Variants in SUN3 observed in about 807,000 individuals in gnomAD.
The protein encoded by SUN3 is Sad1 and UNC84 domain containing 3, also known as SUN domain-containing protein 3.
A neutral mutation model predicts 48.2 loss-of-function variants in SUN3; 36 were observed. That is an observed-to-expected ratio of 0.75 (90% CI 0.57 to 0.99). The LOEUF (loss-of-function observed/expected upper bound fraction) is 0.99, where lower values mean the gene tolerates loss of function less well. Among genes scored for constraint, SUN3 ranks in the 50% least tolerant of loss-of-function variants. The probability of loss-of-function intolerance (pLI) is 0.00; values close to 1 mark genes in which losing one functional copy is unlikely to be tolerated. For missense variants in SUN3, 419 were observed against 433.1 expected (o/e 0.97, Z 0.29); for synonymous variants, 148 against 147.9 (o/e 1.00, Z 0.00).
intron 3 of SUN3, 130 bp from the exon 4 acceptor site, chr7:48,009,205 G>A: frequency 1.2e-6 from 1 of 816,726 alleles, no homozygotes; most frequent in Non-Finnish European, 1.9e-6. Flanking sequence ...CTGGAACTCA[G>A]GAGCGTCCTC....
intron 5 of SUN3, among the ~76,000 whole-genome samples, chr7:48,006,308 C>T (rs1046002183): frequency 6.6e-6 from 1 of 152,042 alleles, no homozygotes; most frequent in African/African-American, 2.4e-5. Flanking sequence ...CACACAGCAC[C>T]GTGGACCTAG....
rs138276790 is a variant in SUN3 at position 48,000,657 on chromosome 7, C to G, written c.578-4511G>C. Among the ~76,000 whole-genome samples, 234 of 152,306 alleles carry G rather than the reference C, an allele frequency of 1.5e-3. 2 individuals are homozygous for G. In the East Asian group the frequency reaches 0.042, roughly 27 times the overall value. On this transcript the variant is annotated intron_variant, in intron 6 of 9. Transcript: ENST00000297325. ...ACAATTCTGCATTGCTAGATCCTTT[C>G]CTTCAGCACTTTAAACATGTCGTTT...
At chr7:48,025,968 A>G in intron 1 of SUN3, 30 bp from the exon 2 acceptor site, 1 of 1,481,286 alleles carries the variant, frequency 6.8e-7, no homozygotes, top group African/African-American at 1.4e-5. Flanking sequence ...GATTAGAAAA[A>G]GAATTTAACA....
At chr7:48,024,871 A>G (rs1270802503) in intron 2 of SUN3, among the ~76,000 whole-genome samples, 1 of 152,188 alleles carries the variant, frequency 6.6e-6, no homozygotes, top group East Asian at 1.9e-4. Flanking sequence ...ATCTGTCCTC[A>G]TGACCCAAAT....
Position 47,994,421 on chromosome 7 carries a change from T to C in SUN3, c.755A>G (p.Lys252Arg), listed in dbSNP as rs115353261. The stretch of plus-strand genomic sequence containing the variant: ...AGTTGGTATGATCTTTGTAGCAAGC[T>C]TGATTAGGGTATGACCCTGGGAACC... ...FPGSQGHTLI[K>R]LATKIIPTAV... The change falls in exon 8 of 10, where the codon AAG (lysine) becomes AGG (arginine). Residue 252 changes from lysine (K) to arginine (R), a missense_variant. Coordinates refer to ENST00000297325, the MANE Select transcript of SUN3 (RefSeq NM_001030019.2). 1.9e-6 allele frequency: 3 copies of C among 1,613,114 alleles called. No homozygotes were observed. The South Asian group carries it at 3.3e-5, about 18-fold the overall frequency.
chr7:48,023,158 A>T (rs1790046774), intron 2 of SUN3, among the ~76,000 whole-genome samples: 1 of 152,102 alleles, frequency 6.6e-6, no homozygotes, highest in Non-Finnish European at 1.5e-5. Context: ...TTTCTTTCAT[A>T]ATTTAAAAGA....
At chr7:48,008,557 C>A (rs891493296) in intron 4 of SUN3, among the ~76,000 whole-genome samples, 1 of 152,070 alleles carries the variant, frequency 6.6e-6, no homozygotes, top group Non-Finnish European at 1.5e-5. Flanking sequence ...GGAAAGCACA[C>A]CTCAGTGTGT....
intron 3 of SUN3, among the ~76,000 whole-genome samples, chr7:48,012,038 T>C (rs778313090): frequency 1.3e-5 from 2 of 152,334 alleles, no homozygotes; most frequent in Middle Eastern, 3.4e-3. Flanking sequence ...CTGCTTTGTG[T>C]ATAGTTGATT....
rs1789149161 is a variant in SUN3 at position 47,994,459 on chromosome 7, G to C, written c.717C>G (p.Cys239Trp). Residue 239 changes from cysteine to tryptophan, a missense_variant, in exon 8 of 10, where the codon TGC becomes TGG. Cys to Trp is a radical substitution (Grantham distance 215, BLOSUM62 -2). Transcript: ENST00000297325. ...ILQPDVYPGK[C>W]WAFPGSQGHT... ...GACCCTGGGAACCTGGAAAAGCCCA[G>C]CACTTTCCAGGGTAGACATCCGGCT... The C allele has an allele frequency of 2.5e-6, 4 of 1,603,956 alleles. No homozygotes were observed. In the African/African-American group the frequency reaches 4.0e-5, roughly 16 times the overall value.
upstream of SUN3, among the ~76,000 whole-genome samples, chr7:48,029,510 T>C (rs539345454): frequency 3.0e-4 from 45 of 152,318 alleles, no homozygotes; most frequent in African/African-American, 1.1e-3. Context: ...CTAAATGTTA[T>C]GCCACTCTAG....
At chr7:47,991,871 C>T (rs980108859) in intron 8 of SUN3, among the ~76,000 whole-genome samples, 3 of 152,254 alleles carry the variant, frequency 2.0e-5, no homozygotes, top group East Asian at 3.9e-4. Context: ...GCAGTTACAA[C>T]GCCTCCACGC....
Position 48,009,016 on chromosome 7 carries a change from A to G in SUN3, c.329+19T>C. 1 of 1,608,014 alleles carries G rather than the reference A, an allele frequency of 6.2e-7. No homozygotes were observed. The highest frequency in any genetic ancestry group is 8.5e-7 in the Non-Finnish European group (1 of 1,177,940). On this transcript the variant is annotated intron_variant, in intron 4 of 9. Coordinates refer to ENST00000297325, the MANE Select transcript of SUN3 (RefSeq NM_001030019.2). ...GAAACCACACCAAAAAGAGGCATATAGCAAAAGATCGCACTCACTTTAAAA... is the reference window on the plus strand; with the variant it reads ...GAAACCACACCAAAAAGAGGCATATGGCAAAAGATCGCACTCACTTTAAAA...
At chr7:48,030,842 A>C (rs1367765882), upstream of SUN3, among the ~76,000 whole-genome samples, 3 of 152,240 alleles carry the variant, frequency 2.0e-5, no homozygotes, top group Non-Finnish European at 2.9e-5. Flanking sequence ...TATACAGCCA[A>C]CTAATCATTG....
At chr7:48,007,049 C>T (rs1278896018) in intron 5 of SUN3, 116 bp downstream of exon 5, 1 of 1,046,266 alleles carries the variant, frequency 9.6e-7, no homozygotes, top group Non-Finnish European at 1.4e-6. Context: ...ACTGGACTTC[C>T]CACTGGGAGA....
chr7:47,996,103 AT>A lies in SUN3; in HGVS notation c.620del (p.Asn207IlefsTer11). 6.3e-7 allele frequency: 1 copy of A among 1,596,360 alleles called. No homozygotes were observed. The highest frequency in any genetic ancestry group is 8.5e-7 in the Non-Finnish European group (1 of 1,174,350). ...CATGCCAGTACAATTTTGCTTTATT[AT>A]TTTTATAACTTTCTGAGGTCCCAGC... ...IEAGTSESYK[N>X]NKAKLYWHGI... On this transcript the variant is annotated frameshift_variant, in exon 7 of 10. Transcript: ENST00000297325. LOFTEE classifies it high-confidence loss of function.
intron 9 of SUN3, among the ~76,000 whole-genome samples, chr7:47,987,797 G>A (rs916930587): frequency 1.3e-5 from 2 of 152,192 alleles, no homozygotes; most frequent in Non-Finnish European, 2.9e-5. Context: ...GCCTCCAAAA[G>A]TGATGGGATT....
In SUN3 at chr7:48,010,497, C is replaced by CT. The variant is rs1348096488; in HGVS notation, c.289-1423dup. 3.3e-5 allele frequency among the ~76,000 whole-genome samples: 5 copies of CT among 152,292 alleles called. No homozygotes were observed. In the South Asian group the frequency reaches 6.2e-4, roughly 19 times the overall value. Reference sequence around the variant, plus strand: ...ATCAATTAAGAGGCAGTATCTTTGACTATGTGCCAAGAAAATAATGTAGAT... The same window carrying CT: ...ATCAATTAAGAGGCAGTATCTTTGACTTATGTGCCAAGAAAATAATGTAGAT... On this transcript the variant is annotated intron_variant, in intron 3 of 9. Transcript: ENST00000297325.
At position 47,991,190 on chromosome 7, in the gene SUN3, C is replaced by A. The variant is rs1295332880; in HGVS notation, c.862-2310G>T. On this transcript the variant is annotated intron_variant, in intron 8 of 9. Transcript: ENST00000297325. ...CTTTAGCCTTTTAAGGAGCTGGGAT[C>A]ACAGGAGCAGATACTGCGCCCAGTC... 4 of 360,026 alleles carry A rather than the reference C, an allele frequency of 1.1e-5. No homozygotes were observed. The Admixed American group carries it at 1.5e-4, about 13-fold the overall frequency. 22.3% of individuals were successfully genotyped at this position (360,026 alleles called of 1,614,324 possible). A position where few individuals can be genotyped will look rare whatever the true frequency, so the allele number is the denominator to read the frequency against.
intron 2 of SUN3, among the ~76,000 whole-genome samples, chr7:48,024,628 T>C (rs957198757): frequency 3.9e-5 from 6 of 152,188 alleles, no homozygotes; most frequent in Non-Finnish European, 5.9e-5. Context: ...CTCACAGTTC[T>C]ATAGGCTGTA....
Sources: allele counts gnomAD v4.1 joint callset (sites outside exome capture counted in the v4.1 genomes callset), GRCh38; gene constraint gnomAD v4.1.1; transcripts MANE v1.5; gene names NCBI Gene and HGNC (gene_info 2026-07-23, HGNC 2026-07-21).